Variants in WDPCP observed in about 807,000 individuals in gnomAD.
The protein encoded by WDPCP is WD repeat-containing and planar cell polarity effector protein fritz homolog.
Under a neutral mutation model 93.1 loss-of-function variants are expected in WDPCP, and 71 were observed. The ratio of observed to expected loss-of-function variants is 0.76; its 90% CI spans 0.63 to 0.93. The LOEUF (loss-of-function observed/expected upper bound fraction) is 0.93. Among genes scored for constraint, WDPCP ranks in the 40% least tolerant of loss-of-function variants. The pLI, the probability that WDPCP is intolerant of heterozygous loss-of-function variation, is 0.00. For synonymous variants in WDPCP, 315 were observed against 315.0 expected, an observed-to-expected ratio of 1.00 and a Z score of 0.00; for missense variants, 844 against 887.4, an observed-to-expected ratio of 0.95 and a Z score of 0.62.
chr2:63,254,369 G>T (rs13432417), intron 14 of WDPCP, among the ~76,000 whole-genome samples: 72,830 of 151,876 alleles, frequency 0.48, 19,983 homozygotes, highest in Non-Finnish European at 0.6. Flanking sequence ...GCCCCCTGAA[G>T]CTAAAATAAA....
At chr2:63,778,351 G>A (rs1305924515) in intron 2 of WDPCP, among the ~76,000 whole-genome samples, 1 of 152,084 alleles carries the variant, frequency 6.6e-6, no homozygotes, top group Non-Finnish European at 1.5e-5. Context: ...GGGATTACAG[G>A]CGCCTGCCAC....
intron 3 of WDPCP, chr2:63,622,652 G>A (rs1709757566): frequency 6.2e-7 from 1 of 1,613,948 alleles, no homozygotes; most frequent in Non-Finnish European, 8.5e-7. Context: ...GTGGCATTCT[G>A]TTGGTCTTGG....
Position 63,473,115 on chromosome 2 carries a change from G to A in WDPCP, c.384+11489C>T, listed in dbSNP as rs528737920. Reference sequence around the variant, plus strand: ...AAAGTTGGTTTACATGGGTAGGCTTGTTAACTTGAGCCTCATTGTAAGGAG... The same window carrying A: ...AAAGTTGGTTTACATGGGTAGGCTTATTAACTTGAGCCTCATTGTAAGGAG... On this transcript the variant is annotated intron_variant, in intron 6 of 17. Transcript: ENST00000272321. Among the ~76,000 whole-genome samples, 6 of 152,276 alleles carry A rather than the reference G, an allele frequency of 3.9e-5. No individual in the cohort carries two copies. In the South Asian group the frequency reaches 1.2e-3, roughly 32 times the overall value.
At chr2:63,133,019 A>G (rs1670389905) in intron 17 of WDPCP, among the ~76,000 whole-genome samples, 1 of 152,228 alleles carries the variant, frequency 6.6e-6, no homozygotes, top group Non-Finnish European at 1.5e-5. Flanking sequence ...GCTCTTTGCC[A>G]TGGAAGTCCT....
intron 14 of WDPCP, chr2:63,232,366 A>T (rs1037161343): frequency 1.3e-5 from 2 of 152,200 alleles, no homozygotes; most frequent in African/African-American, 4.8e-5. Context: ...AACTTCATTT[A>T]ACAGAAGAGA....
chr2:63,727,493 T>G (rs1669509050), intron 2 of WDPCP, among the ~76,000 whole-genome samples: 1 of 152,206 alleles, frequency 6.6e-6, no homozygotes, highest in Admixed American at 6.5e-5. Flanking sequence ...TCAGGGATAT[T>G]GGCCTGAATT....
chr2:63,187,510 TG>T (rs1300116085), intron 14 of WDPCP, among the ~76,000 whole-genome samples: 1 of 152,224 alleles, frequency 6.6e-6, no homozygotes, highest in African/African-American at 2.4e-5. Context: ...GGATATTTTG[TG>T]GTTACCACTG....
At chr2:63,612,836 G>A (rs1203126930) in intron 3 of WDPCP, among the ~76,000 whole-genome samples, 1 of 151,766 alleles carries the variant, frequency 6.6e-6, no homozygotes, top group Non-Finnish European at 1.5e-5. Context: ...AGATTTCCAG[G>A]GCCCGAGATG....
chr2:63,507,684 T>G (rs561408026), intron 1 of WDPCP, among the ~76,000 whole-genome samples: 1 of 151,594 alleles, frequency 6.6e-6, no homozygotes, highest in East Asian at 1.9e-4. Context: ...CTAAAAACCT[T>G]GAAAAAAGGT....
chr2:63,381,482 G>C (rs1692303448), intron 11 of WDPCP, among the ~76,000 whole-genome samples: 1 of 152,086 alleles, frequency 6.6e-6, no homozygotes, highest in Non-Finnish European at 1.5e-5. Context: ...AAGGACTATT[G>C]TCTGGACAGA....
At chr2:63,484,551 T>TA in intron 6 of WDPCP, 53 bp downstream of exon 6, 2 of 1,601,018 alleles carry the variant, frequency 1.2e-6, no homozygotes, top group Non-Finnish European at 8.6e-7. Flanking sequence ...AATTACTACA[T>TA]AGTTTTCAGC....
At chr2:63,523,425 T>C (rs937524143) in intron 1 of WDPCP, among the ~76,000 whole-genome samples, 23 of 152,142 alleles carry the variant, frequency 1.5e-4, no homozygotes, top group Non-Finnish European at 2.8e-4. Context: ...ACCACTCCTA[T>C]TAAACATAGC....
chr2:63,530,441 G>T (rs993707152), intron 1 of WDPCP, among the ~76,000 whole-genome samples: 1 of 151,546 alleles, frequency 6.6e-6, no homozygotes, highest in Admixed American at 6.6e-5. Flanking sequence ...TTTATTTCAG[G>T]GCAGGTATGC....
intron 2 of WDPCP, among the ~76,000 whole-genome samples, chr2:63,668,692 C>A (rs1416269846): frequency 6.6e-6 from 1 of 152,198 alleles, no homozygotes; most frequent in African/African-American, 2.4e-5. Flanking sequence ...CTACTCCCTG[C>A]CCCCGCTTTC....
At chr2:63,683,896 A>AG (rs1055775428) in intron 2 of WDPCP, among the ~76,000 whole-genome samples, 2 of 152,118 alleles carry the variant, frequency 1.3e-5, no homozygotes, top group African/African-American at 4.8e-5. Context: ...ATAATGATAA[A>AG]GGGGTTAATT....
intron 2 of WDPCP, among the ~76,000 whole-genome samples, chr2:63,700,847 C>CAAAAA (rs1179169976): frequency 1.3e-5 from 2 of 152,284 alleles, no homozygotes; most frequent in African/African-American, 4.8e-5. Flanking sequence ...ACCTCTATCT[C>CAAAAA]TCACTATATG....
chr2:63,594,499 CAG>C (rs1709264343), intron 3 of WDPCP: 2 of 1,612,992 alleles, frequency 1.2e-6, no homozygotes, highest in Non-Finnish European at 8.5e-7. Context: ...CTGAACCAAT[CAG>C]AGTCCTTGTG....
chr2:63,373,755 T>A (rs1691609387), intron 12 of WDPCP, among the ~76,000 whole-genome samples: 1 of 152,106 alleles, frequency 6.6e-6, no homozygotes, highest in African/African-American at 2.4e-5. Context: ...GGGGTTAATT[T>A]TTTTTCTTTA....
chr2:63,327,890 C>A (rs931424036), intron 12 of WDPCP, among the ~76,000 whole-genome samples: 6 of 152,152 alleles, frequency 3.9e-5, no homozygotes, highest in Non-Finnish European at 8.8e-5. Flanking sequence ...TACTGAGGAC[C>A]CCTGGACCAA....
Sources: gnomAD v4.1 joint callset for allele counts (sites outside exome capture counted in the v4.1 genomes callset) on GRCh38, gnomAD v4.1.1 for gene constraint, MANE v1.5 for transcripts, NCBI Gene and HGNC (gene_info 2026-07-23, HGNC 2026-07-21) for gene names.